CHD5: variants seen among roughly 807,000 people sequenced by gnomAD.
The protein encoded by CHD5 is ATP-dependent chromatin remodeler CHD5.
A neutral mutation model predicts 230.3 loss-of-function variants in CHD5; 69 were observed. The observed-to-expected ratio is 0.30, with a 90% confidence interval of 0.25 to 0.37. CHD5 has a LOEUF of 0.37. Among genes scored for constraint, CHD5 ranks in the 10% least tolerant of loss-of-function variants. The pLI is 1.00. For missense variants in CHD5, 1,827 were observed against 2,622.8 expected (o/e 0.70, Z 6.63); for synonymous variants, 1,064 against 1,065.9 (o/e 1.00, Z 0.03).
rs574276648 is a variant in CHD5, at chr1:6,179,931, C to G, written c.79+14G>C. 231 of 1,300,320 alleles carry G rather than the reference C, an allele frequency of 1.8e-4. No homozygotes were observed. In the African/African-American group the frequency reaches 3.2e-3, roughly 18 times the overall value. 80.5% of individuals were successfully genotyped at this position (1,300,320 alleles called of 1,614,324 possible). A position where few individuals can be genotyped will look rare whatever the true frequency, so the allele number is the denominator to read the frequency against. ...CCGCCGCTCTGGCCCCAGGCGCACC[C>G]GCGCCCCGCTCACCTGACATCTCGT... On this transcript the variant is annotated intron_variant, in intron 1 of 41. Coordinates refer to ENST00000262450, the MANE Select transcript of CHD5 (RefSeq NM_015557.3).
Position 6,134,982 on chromosome 1 carries a change from C to A in CHD5, c.2871-123G>T. The A allele has an allele frequency of 7.7e-7, 1 of 1,300,396 alleles. No homozygotes were observed. The highest frequency in any genetic ancestry group is 1.1e-6 in the Non-Finnish European group (1 of 932,390). The allele number at this position is 1,300,396 out of a possible 1,614,324, so 80.6% of individuals were successfully genotyped here. On this transcript the variant is annotated intron_variant, in intron 18 of 41. Coordinates refer to ENST00000262450, the MANE Select transcript of CHD5 (RefSeq NM_015557.3). The surrounding 1 kb of genome is among the most constrained non-coding windows in gnomAD (Gnocchi z 6.3). Reference sequence around the variant, plus strand: ...CCATTTACAGAGAGACCCAAGGGACCCCCAAGAGGTGAAGCCACCGGCCTG... The same window carrying A: ...CCATTTACAGAGAGACCCAAGGGACACCCAAGAGGTGAAGCCACCGGCCTG...
rs974991854 is a variant in CHD5 at position 6,128,225 on chromosome 1, AGCAG to A, written c.3731-11_3731-8del. 1.2e-6 allele frequency: 2 copies of A among 1,613,448 alleles called. No individual in the cohort carries two copies. The highest frequency in any genetic ancestry group is 2.7e-5 in the African/African-American group (2 of 74,864). Reference sequence around the variant, plus strand: ...TCCACGTCCTTGTTGTCACCTGGGGAGCAGGCAAATGCAGTGTGAGGACAAAGAC... The same window carrying A: ...TCCACGTCCTTGTTGTCACCTGGGGAGCAAATGCAGTGTGAGGACAAAGAC... On this transcript the variant is annotated splice_region_variant and splice_polypyrimidine_tract_variant and intron_variant, in intron 24 of 41. Coordinates refer to ENST00000262450, the MANE Select transcript of CHD5 (RefSeq NM_015557.3). The surrounding 1 kb of genome is among the most constrained non-coding windows in gnomAD (Gnocchi z 7.8).
chr1:6,140,967 A>AAATAATAATAATAATAAT (rs60543576), intron 15 of CHD5, among the ~76,000 whole-genome samples: 4,559 of 139,850 alleles, frequency 0.033, 95 homozygotes, highest in African/African-American at 0.05. Context: ...CCCTGTCTCA[A>AAATAATAATAATAATAAT]AATAATAATA....
intron 2 of CHD5, among the ~76,000 whole-genome samples, chr1:6,166,956 G>A (rs2100880942): frequency 6.6e-6 from 1 of 152,250 alleles, no homozygotes; most frequent in East Asian, 1.9e-4. Context: ...CTCCAGCCTG[G>A]GACAAGCTCC....
chr1:6,139,097 G>A (rs1666788755), intron 15 of CHD5, among the ~76,000 whole-genome samples: 1 of 152,214 alleles, frequency 6.6e-6, no homozygotes, highest in East Asian at 1.9e-4. Flanking sequence ...GTGGCTGCCA[G>A]GGGCTCGAGG....
intron 34 of CHD5, 115 bp from the exon 35 acceptor site, chr1:6,112,392 T>A: frequency 4.6e-6 from 6 of 1,302,102 alleles, no homozygotes; most frequent in Non-Finnish European, 6.4e-6. Context: ...CCTCTTGTCC[T>A]CAGGGGACTC....
At chr1:6,118,754 G>A (rs1176718092) in intron 33 of CHD5, among the ~76,000 whole-genome samples, 6 of 151,828 alleles carry the variant, frequency 4.0e-5, no homozygotes, top group Admixed American at 1.3e-4. Context: ...CTGGAGTGCA[G>A]TGGTGCCATC....
At position 6,180,037 on chromosome 1, in the gene CHD5, A is replaced by G. The variant is rs1196985395; in HGVS notation, c.-14T>C. 3.1e-6 allele frequency: 4 copies of G among 1,286,058 alleles called. No homozygotes were observed. Among genetic ancestry groups the G allele is most frequent in the East Asian group, 8.2e-5 (2 of 24,382 alleles). The allele number at this position is 1,286,058 out of a possible 1,614,324, so 79.7% of individuals were successfully genotyped here. ...TGGGCCCCGCATGCCCGGCGCGGGG[A>G]GGAGGGGAGGTGGGCGCCCCCCCTC... On this transcript the variant is annotated 5_prime_UTR_variant, in exon 1 of 42. Coordinates refer to ENST00000262450, the MANE Select transcript of CHD5 (RefSeq NM_015557.3).
chr1:6,136,470 C>A, intron 17 of CHD5, 47 bp downstream of exon 17: 1 of 1,604,134 alleles, frequency 6.2e-7, no homozygotes, highest in Non-Finnish European at 8.5e-7. Flanking sequence ...TTCACTGGGG[C>A]CACCCAGCCC....
Position 6,167,379 on chromosome 1 carries a change from A to G in CHD5, c.207+771T>C, listed in dbSNP as rs1300640826. On this transcript the variant is annotated intron_variant, in intron 2 of 41. Coordinates refer to ENST00000262450, the MANE Select transcript of CHD5 (RefSeq NM_015557.3). The surrounding 1 kb of genome is among the most constrained non-coding windows in gnomAD (Gnocchi z 4.5). ...TTGCTCTCAACATAGGGTCGCTTGG[A>G]GGATCAGAGGAGACGCCCAGAAGGA... Among the ~76,000 whole-genome samples, 3 of 152,166 alleles carry G rather than the reference A, an allele frequency of 2.0e-5. No individual in the cohort carries two copies. The highest frequency in any genetic ancestry group is 4.4e-5 in the Non-Finnish European group (3 of 68,034).
intron 1 of CHD5, among the ~76,000 whole-genome samples, chr1:6,170,633 G>A (rs551117127): frequency 6.6e-6 from 1 of 152,198 alleles, no homozygotes; most frequent in African/African-American, 2.4e-5. Context: ...GAGGGCTAGG[G>A]CACACAGGGG....
Position 6,126,735 on chromosome 1 carries a change from C to A in CHD5, c.3915G>T (p.Glu1305Asp). 1 of 1,613,462 alleles carries A rather than the reference C, an allele frequency of 6.2e-7. No homozygotes were observed. The change falls in exon 26 of 42, where the codon GAG becomes GAT. Residue 1305 changes from glutamate to aspartate, a missense_variant. Transcript: ENST00000262450. This position sits in a 1 kb window ranked among gnomAD's most constrained non-coding sequence, Gnocchi z 5.7. ...VREEDGVEEV[E>D]REIIKQEENV... ...TCTCCTCCTGCTTGATGATTTCCCG[C>A]TCCACCTCCTCCTGGGGACGCAGCA...
intron 1 of CHD5, among the ~76,000 whole-genome samples, chr1:6,178,303 C>T (rs1667456356): frequency 6.6e-6 from 1 of 152,054 alleles, no homozygotes; most frequent in Non-Finnish European, 1.5e-5. Context: ...TCTTCCCCTC[C>T]CCAACCTCTA....
At chr1:6,174,939 TGGTG>T (rs1406579983) in intron 1 of CHD5, among the ~76,000 whole-genome samples, 10 of 145,830 alleles carry the variant, frequency 6.9e-5, no homozygotes, top group Non-Finnish European at 3.0e-5. Flanking sequence ...GAAGGATGGA[TGGTG>T]GGTGGGTGGA....
At position 6,112,209 on chromosome 1, in the gene CHD5, C is replaced by T; in HGVS notation, c.5071G>A (p.Glu1691Lys). ...CCCTTCTTGTCCTCCTTCTTCCCCT[C>T]GTCATCTTCCTCTTTGTCACCATTT... ...QQNGDKEEDD[E>K]GKKEDKKGKF... Residue 1691 changes from glutamate to lysine, a missense_variant, in exon 35 of 42, where the codon GAG (glutamate) becomes AAG (lysine). By Grantham distance (56) the Glu-to-Lys change is moderately conservative. Coordinates refer to ENST00000262450, the MANE Select transcript of CHD5 (RefSeq NM_015557.3). 3 of 1,614,148 alleles carry T rather than the reference C, an allele frequency of 1.9e-6. No individual in the cohort carries two copies. Among genetic ancestry groups the T allele is most frequent in the East Asian group, 2.2e-5 (1 of 44,878 alleles).
intron 1 of CHD5, among the ~76,000 whole-genome samples, chr1:6,175,719 C>T (rs1035447553): frequency 2.7e-4 from 39 of 143,882 alleles, no homozygotes; most frequent in Admixed American, 2.2e-3. Context: ...GACGGACGGA[C>T]GGATGGATAT....
chr1:6,144,586 G>A (rs1384770922), intron 11 of CHD5, among the ~76,000 whole-genome samples: 4 of 152,246 alleles, frequency 2.6e-5, no homozygotes, highest in Non-Finnish European at 5.9e-5. Flanking sequence ...GTAGGGTGAG[G>A]AGTCATCTCT....
Position 6,124,671 on chromosome 1 carries a change from G to T in CHD5, c.4395-10C>A, listed in dbSNP as rs780691329. 1.3e-5 allele frequency: 17 copies of T among 1,297,494 alleles called. No individual in the cohort carries two copies. The highest frequency in any genetic ancestry group is 2.6e-4 in the Middle Eastern group (1 of 3,878). The allele number at this position is 1,297,494 out of a possible 1,614,324, so 80.4% of individuals were successfully genotyped here. On this transcript the variant is annotated splice_polypyrimidine_tract_variant and intron_variant, in intron 29 of 41. Transcript: ENST00000262450. ...GAGGGACACATAGGCTCTGGGGTGG[G>T]GGGGGGGGACTGGGGCTCAGGGAGT...
Position 6,154,748 on chromosome 1 carries a change from C to G in CHD5, c.657G>C (p.Thr219=), listed in dbSNP as rs369086130. Residue 219 remains threonine (T), a synonymous_variant, in exon 5 of 42, where the codon ACG becomes ACC. Coordinates refer to ENST00000262450, the MANE Select transcript of CHD5 (RefSeq NM_015557.3). The surrounding 1 kb of genome is among the most constrained non-coding windows in gnomAD (Gnocchi z 7.0). The part of the protein sequence containing the change: ...AAAAVAAAVE[T]VTISPPLAVS... ...CGGCTAGCGGAGGGGAGATGGTGACCGTCTCTACAGCCGCAGCCACCGCCG... is the reference window on the plus strand; with the variant it reads ...CGGCTAGCGGAGGGGAGATGGTGACGGTCTCTACAGCCGCAGCCACCGCCG... 16 of 1,611,322 alleles carry G rather than the reference C, an allele frequency of 9.9e-6. No individual in the cohort carries two copies. Among genetic ancestry groups the G allele is most frequent in the Middle Eastern group, 3.4e-4 (2 of 5,884 alleles).
Sources: allele counts gnomAD v4.1 joint callset (sites outside exome capture counted in the v4.1 genomes callset), GRCh38; gene constraint gnomAD v4.1.1; non-coding constraint Gnocchi (gnomAD v3.1); transcripts MANE v1.5; gene names NCBI Gene and HGNC (gene_info 2026-07-23, HGNC 2026-07-21).